Variants in EXT1 observed in about 807,000 individuals in gnomAD.
EXT1 encodes the protein exostosin glycosyltransferase 1, also known as exostosin-1.
A neutral mutation model predicts 82.5 loss-of-function variants in EXT1; 20 were observed. The observed-to-expected ratio is 0.24, with a 90% CI of 0.17 to 0.35. The LOEUF (loss-of-function observed/expected upper bound fraction) is 0.35. Among genes scored for constraint, EXT1 ranks in the 10% least tolerant of loss-of-function variants. The probability of loss-of-function intolerance (pLI) is 1.00; values close to 1 mark genes in which losing one functional copy is unlikely to be tolerated. For missense variants in EXT1, 757 were observed against 936.5 expected (o/e 0.81, Z 2.50); for synonymous variants, 348 against 350.8 (o/e 0.99, Z 0.09).
intron 1 of EXT1, among the ~76,000 whole-genome samples, chr8:117,953,547 G>C (rs559055214): frequency 1.3e-5 from 2 of 151,720 alleles, no homozygotes; most frequent in Non-Finnish European, 2.9e-5. Flanking sequence ...CACCGTGGAA[G>C]ACTCAAATGC....
intron 1 of EXT1, among the ~76,000 whole-genome samples, chr8:118,047,710 T>A (rs1816644556): frequency 6.6e-6 from 1 of 152,132 alleles, no homozygotes; most frequent in Non-Finnish European, 1.5e-5. Flanking sequence ...AGAGCATACT[T>A]AATACGAAAA....
intron 1 of EXT1, among the ~76,000 whole-genome samples, chr8:118,086,356 C>T (rs1817417315): frequency 6.6e-6 from 1 of 152,168 alleles, no homozygotes; most frequent in Non-Finnish European, 1.5e-5. Context: ...AAAATGCCTT[C>T]TAGTCTAAGC....
rs2129790907 is a variant in EXT1, at chr8:117,837,095, C to T, written c.1056+13G>A. 1 of 1,609,730 alleles carries T rather than the reference C, an allele frequency of 6.2e-7. No individual in the cohort carries two copies. On this transcript the variant is annotated intron_variant, in intron 2 of 10. Coordinates refer to ENST00000378204, the MANE Select transcript of EXT1 (RefSeq NM_000127.3). ...CCTCAGCCCTATTCTGGGAAGGCTC[C>T]AGGGCCTCTTACCTGCAAAGCCTCC... is the stretch of plus-strand genomic sequence containing the variant.
intron 1 of EXT1, among the ~76,000 whole-genome samples, chr8:117,972,355 C>T (rs1814959496): frequency 1.3e-5 from 2 of 152,178 alleles, no homozygotes; most frequent in South Asian, 4.1e-4. Flanking sequence ...ACTTGAAAAG[C>T]AAATTTGTGG....
intron 1 of EXT1, among the ~76,000 whole-genome samples, chr8:117,977,390 A>AT (rs916405990): frequency 2.3e-5 from 3 of 129,090 alleles, no homozygotes; most frequent in African/African-American, 9.6e-5. Context: ...CTGTCTCAAA[A>AT]TAAAAAAAAA....
At chr8:118,051,997 G>A (rs745496700) in intron 1 of EXT1, among the ~76,000 whole-genome samples, 1 of 152,210 alleles carries the variant, frequency 6.6e-6, no homozygotes, top group Non-Finnish European at 1.5e-5. Flanking sequence ...ATTTCTAAGT[G>A]TCAAAGACAC....
chr8:117,864,107 C>G (rs7822595), intron 1 of EXT1, among the ~76,000 whole-genome samples: 13 of 152,210 alleles, frequency 8.5e-5, no homozygotes, highest in African/African-American at 3.1e-4. Flanking sequence ...GAGAGAACAA[C>G]GCTGAGAAAT....
rs1437889975 is a variant in EXT1, at chr8:117,794,790, A to T, written c.*4922T>A. ...CAAAAACATTGGCAACATATTAGAA[A>T]ACTCTGTCCCAAGTGTACATCGTAT... On this transcript the variant is annotated 3_prime_UTR_variant, in exon 11 of 11. Coordinates refer to ENST00000378204, the MANE Select transcript of EXT1 (RefSeq NM_000127.3). 2 of 152,216 alleles carry T rather than the reference A, an allele frequency of 1.3e-5. No individual in the cohort carries two copies. The highest frequency in any genetic ancestry group is 2.9e-5 in the Non-Finnish European group (2 of 68,042). The allele number at this position is 152,216 out of a possible 1,614,324, so 9.4% of individuals were successfully genotyped here. A position where few individuals can be genotyped will look rare whatever the true frequency, so the allele number is the denominator to read the frequency against.
intron 1 of EXT1, among the ~76,000 whole-genome samples, chr8:117,925,731 AG>A (rs959723453): frequency 2.7e-5 from 4 of 149,530 alleles, no homozygotes; most frequent in Admixed American, 6.7e-5. Flanking sequence ...AAAGAAAGAA[AG>A]AAAAAAAAAA....
intron 1 of EXT1, among the ~76,000 whole-genome samples, chr8:118,090,446 G>A (rs1425630963): frequency 6.6e-6 from 1 of 151,716 alleles, no homozygotes; most frequent in South Asian, 2.1e-4. Flanking sequence ...ATTGTCTAGG[G>A]ATGAACCGTG....
chr8:117,897,559 G>A (rs1390435400), intron 1 of EXT1, among the ~76,000 whole-genome samples: 1 of 142,238 alleles, frequency 7.0e-6, no homozygotes, highest in Non-Finnish European at 1.5e-5. Flanking sequence ...TTCCAAGAGT[G>A]TCTTTGTAGC....
At chr8:118,011,445 T>C (rs1447012884) in intron 1 of EXT1, among the ~76,000 whole-genome samples, 1 of 152,156 alleles carries the variant, frequency 6.6e-6, no homozygotes, top group African/African-American at 2.4e-5. Flanking sequence ...TCAAAATCCA[T>C]TTTCCATTAC....
At chr8:117,964,480 C>T (rs1258795712) in intron 1 of EXT1, among the ~76,000 whole-genome samples, 1 of 152,156 alleles carries the variant, frequency 6.6e-6, no homozygotes, top group Non-Finnish European at 1.5e-5. Flanking sequence ...TAGAATATCT[C>T]CTCTTCTGGT....
chr8:117,925,439 G>A (rs1008162595), intron 1 of EXT1, among the ~76,000 whole-genome samples: 1 of 152,026 alleles, frequency 6.6e-6, no homozygotes, highest in Non-Finnish European at 1.5e-5. Flanking sequence ...GAAGTACATG[G>A]AGAAAAGTAT....
Position 117,795,388 on chromosome 8 carries a change from T to C in EXT1, c.*4324A>G, listed in dbSNP as rs1823074976. 1 of 151,900 alleles carries C rather than the reference T, an allele frequency of 6.6e-6. No homozygotes were observed. Among genetic ancestry groups the C allele is most frequent in the Non-Finnish European group, 1.5e-5 (1 of 68,012 alleles). The allele number at this position is 151,900 out of a possible 1,614,324, so 9.4% of individuals were successfully genotyped here. On this transcript the variant is annotated 3_prime_UTR_variant, in exon 11 of 11. Coordinates refer to ENST00000378204, the MANE Select transcript of EXT1 (RefSeq NM_000127.3). ...GGAGTCAAATCCATCATCACAATTA[T>C]GGTGTAAATAACAGCTTTTTTATCC...
At chr8:118,075,161 G>A (rs775459857) in intron 1 of EXT1, among the ~76,000 whole-genome samples, 10 of 152,218 alleles carry the variant, frequency 6.6e-5, no homozygotes, top group Non-Finnish European at 2.9e-5. Context: ...CTGATTTCCA[G>A]GAGCACCTGC....
intron 1 of EXT1, among the ~76,000 whole-genome samples, chr8:117,933,407 A>G (rs570510947): frequency 6.6e-6 from 1 of 152,074 alleles, no homozygotes; most frequent in South Asian, 2.1e-4. Context: ...CATCACGCCC[A>G]GCTAATTTTT....
At chr8:117,839,288 C>G (rs997208251) in intron 1 of EXT1, among the ~76,000 whole-genome samples, 12 of 152,172 alleles carry the variant, frequency 7.9e-5, no homozygotes, top group Non-Finnish European at 1.6e-4. Context: ...AAATGAACTA[C>G]TTGGGCTAGA....
intron 1 of EXT1, among the ~76,000 whole-genome samples, chr8:118,042,607 G>T (rs1340738474): frequency 6.6e-6 from 1 of 152,102 alleles, no homozygotes; most frequent in South Asian, 2.1e-4. Context: ...CCCCCACCTT[G>T]TTTTTTAATT....
Sources: gnomAD v4.1 joint callset for allele counts (sites outside exome capture counted in the v4.1 genomes callset) on GRCh38, gnomAD v4.1.1 for gene constraint, MANE v1.5 for transcripts, NCBI Gene and HGNC (gene_info 2026-07-23, HGNC 2026-07-21) for gene names.